TRAPPC2: variants seen among roughly 807,000 people sequenced by gnomAD.
TRAPPC2 encodes sedlin.
Under a neutral mutation model 10.0 loss-of-function variants are expected in TRAPPC2, and 4 were observed. That is an observed-to-expected ratio of 0.40 (90% CI 0.20 to 0.92). TRAPPC2 has a LOEUF of 0.92. Ranked by LOEUF, TRAPPC2 falls within the 40% of genes least tolerant of loss-of-function variation. The pLI, the probability that TRAPPC2 is intolerant of heterozygous loss-of-function variation, is 0.35. For synonymous variants in TRAPPC2, 36 were observed against 37.3 expected (o/e 0.97, Z 0.12); for missense variants, 52 against 108.7 (o/e 0.48, Z 2.32).
chrX:13,722,243 A>T (rs1294574125), intron 2 of TRAPPC2: 17 of 103,472 alleles, frequency 1.6e-4, no homozygotes, highest in African/African-American at 6.0e-4. Context: ...AAGCAAAAGC[A>T]GCAGCAGAAG....
At position 13,734,614 on chromosome X, in the gene TRAPPC2, T is replaced by TTCTCGCGATACCCTGGGATGTGC. The variant is rs2046772705; in HGVS notation, c.-252_-251insGCACATCCCAGGGTATCGCGAGA. 2 of 790,705 alleles carry TTCTCGCGATACCCTGGGATGTGC rather than the reference T, an allele frequency of 2.5e-6. No homozygotes were observed. Among genetic ancestry groups the TTCTCGCGATACCCTGGGATGTGC allele is most frequent in the Non-Finnish European group, 3.1e-6 (2 of 641,582 alleles). 65.2% of individuals were successfully genotyped at this position (790,705 alleles called of 1,213,427 possible). A position where few individuals can be genotyped will look rare whatever the true frequency, so the allele number is the denominator to read the frequency against. On this transcript the variant is annotated 5_prime_UTR_variant, in exon 1 of 6. Coordinates refer to ENST00000380579, the MANE Select transcript of TRAPPC2 (RefSeq NM_001011658.4). ...ACCTGTAGCCAGAACGCCGAAGCAG[T>TTCTCGCGATACCCTGGGATGTGC]TCTCGCGATACCCTGGGATGTGCTC...
chrX:13,733,132 T>G (rs1324783517), intron 2 of TRAPPC2, among the ~76,000 whole-genome samples: 2 of 109,383 alleles, frequency 1.8e-5, no homozygotes, highest in Non-Finnish European at 1.9e-5. Context: ...AGTAAGGGGG[T>G]CTTCAGGAAC....
intron 2 of TRAPPC2, among the ~76,000 whole-genome samples, chrX:13,723,485 T>C (rs917459167): frequency 8.9e-6 from 1 of 111,820 alleles, no homozygotes; most frequent in African/African-American, 3.3e-5. Flanking sequence ...AAACGTTTTA[T>C]AAAAGTTCTG....
Position 13,714,309 on chromosome X carries a change from A to G in TRAPPC2, c.*98T>C, listed in dbSNP as rs1192484725. ...AGGTTTAGATAAGCTGAGAATACAC[A>G]AAAGTTTTCCAGGCTATTTAATCAA... On this transcript the variant is annotated 3_prime_UTR_variant, in exon 6 of 6. Coordinates refer to ENST00000380579, the MANE Select transcript of TRAPPC2 (RefSeq NM_001011658.4). 1 of 489,386 alleles carries G rather than the reference A, an allele frequency of 2.0e-6. No homozygotes were observed. Among genetic ancestry groups the G allele is most frequent in the Non-Finnish European group, 3.3e-6 (1 of 306,159 alleles). 40.3% of individuals were successfully genotyped at this position (489,386 alleles called of 1,213,427 possible).
At chrX:13,734,410 G>C (rs2046762001) in intron 1 of TRAPPC2, 115 bp downstream of exon 1, 1 of 266,774 alleles carries the variant, frequency 3.7e-6, no homozygotes, top group South Asian at 1.2e-4. Context: ...GGTCCGGCCC[G>C]GCCACCCCGG....
At chrX:13,718,575 G>A (rs1380328342) in intron 3 of TRAPPC2, among the ~76,000 whole-genome samples, 1 of 112,198 alleles carries the variant, frequency 8.9e-6, no homozygotes, top group Non-Finnish European at 1.9e-5. Context: ...CTGGTACAGA[G>A]ATACCTCAAA....
chrX:13,716,851 A>G (rs2046298397), intron 3 of TRAPPC2, 173 bp from the exon 4 acceptor site: 2 of 466,705 alleles, frequency 4.3e-6, no homozygotes, highest in Non-Finnish European at 7.1e-6. Context: ...ATTATATTCT[A>G]TTTTTAAATT....
At chrX:13,714,907 C>G (rs1025926940) in intron 5 of TRAPPC2, among the ~76,000 whole-genome samples, 1 of 112,346 alleles carries the variant, frequency 8.9e-6, no homozygotes, top group Non-Finnish European at 1.9e-5. Flanking sequence ...AATCTTTTAA[C>G]AATCAGGTTT....
At chrX:13,716,235 T>C (rs1045106657) in intron 4 of TRAPPC2, 146 bp from the exon 5 acceptor site, 57 of 696,933 alleles carry the variant, frequency 8.2e-5, no homozygotes, top group Middle Eastern at 5.0e-4. Flanking sequence ...ATTAGCTTAG[T>C]TTTATCATAA....
intron 2 of TRAPPC2, among the ~76,000 whole-genome samples, chrX:13,727,221 G>A (rs1227158050): frequency 1.8e-5 from 2 of 111,840 alleles, no homozygotes; most frequent in African/African-American, 6.5e-5. Flanking sequence ...GGATATCCAG[G>A]ACTTGAACTC....
At chrX:13,719,763 A>G in intron 3 of TRAPPC2, 108 bp downstream of exon 3, 1 of 613,413 alleles carries the variant, frequency 1.6e-6, no homozygotes, top group Non-Finnish European at 2.5e-6. Context: ...CTCCTGAGCA[A>G]GCCTCATTTA....
intron 2 of TRAPPC2, 95 bp from the exon 3 acceptor site, chrX:13,720,077 C>T: frequency 3.2e-6 from 2 of 633,438 alleles, no homozygotes; most frequent in Non-Finnish European, 4.5e-6. Flanking sequence ...TAAATTTAAA[C>T]CTGACATTGT....
chrX:13,724,867 T>C (rs2046510005), intron 2 of TRAPPC2, among the ~76,000 whole-genome samples: 1 of 112,198 alleles, frequency 8.9e-6, no homozygotes, highest in South Asian at 3.7e-4. Context: ...CATGACAGAC[T>C]GTACCTGGAA....
chrX:13,730,177 C>T (rs146773482), intron 2 of TRAPPC2, among the ~76,000 whole-genome samples: 2 of 109,415 alleles, frequency 1.8e-5, no homozygotes, highest in Middle Eastern at 4.3e-3. Flanking sequence ...ACCCATCTGA[C>T]GAAGGGCTAA....
chrX:13,724,559 G>C (rs956416979), intron 2 of TRAPPC2, among the ~76,000 whole-genome samples: 17 of 111,854 alleles, frequency 1.5e-4, no homozygotes, highest in African/African-American at 5.2e-4. Flanking sequence ...CAAATAGCAA[G>C]CATGGAAGAA....
At chrX:13,728,902 G>A (rs146583435) in intron 2 of TRAPPC2, among the ~76,000 whole-genome samples, 1 of 112,144 alleles carries the variant, frequency 8.9e-6, no homozygotes, top group African/African-American at 3.2e-5. Flanking sequence ...CTTCAGCAAA[G>A]TCGCAGGATA....
At chrX:13,726,835 C>G (rs1340348351) in intron 2 of TRAPPC2, among the ~76,000 whole-genome samples, 1 of 111,744 alleles carries the variant, frequency 8.9e-6, no homozygotes, top group Non-Finnish European at 1.9e-5. Context: ...AATCAAGACC[C>G]ATCAGTGTGC....
chrX:13,726,750 A>G (rs2046560681), intron 2 of TRAPPC2, among the ~76,000 whole-genome samples: 1 of 112,028 alleles, frequency 8.9e-6, no homozygotes, highest in African/African-American at 3.2e-5. Context: ...AAATTCACAC[A>G]TAACAATATT....
intron 2 of TRAPPC2, among the ~76,000 whole-genome samples, chrX:13,733,099 G>A (rs1314664787): frequency 9.0e-6 from 1 of 111,567 alleles, no homozygotes; most frequent in African/African-American, 3.3e-5. Context: ...GTATTCAACT[G>A]TGGGACCAAA....
Sources: gnomAD v4.1 joint callset for allele counts (sites outside exome capture counted in the v4.1 genomes callset) on GRCh38, gnomAD v4.1.1 for gene constraint, MANE v1.5 for transcripts, NCBI Gene and HGNC (gene_info 2026-07-23, HGNC 2026-07-21) for gene names.